CUBN: variants seen among roughly 807,000 people sequenced by gnomAD.
CUBN encodes 460 kDa receptor.
Under a neutral mutation model 405.3 loss-of-function variants are expected in CUBN, and 282 were observed. The observed-to-expected ratio is 0.70, with a 90% confidence interval of 0.63 to 0.77. The LOEUF is 0.77. Ranked by LOEUF, CUBN falls within the 30% of genes least tolerant of loss-of-function variation. CUBN has a pLI of 0.00. For synonymous variants in CUBN, 1,684 were observed against 1,617.0 expected (o/e 1.04, Z -0.99); for missense variants, 4,514 against 4,475.2 (o/e 1.01, Z -0.25).
intron 54 of CUBN, among the ~76,000 whole-genome samples, chr10:16,891,926 A>C (rs148106562): frequency 6.6e-6 from 1 of 152,286 alleles, no homozygotes; most frequent in African/African-American, 2.4e-5. Flanking sequence ...TCAACAGACA[A>C]CTATCTCAAA....
chr10:16,914,342 C>G (rs928394120), intron 47 of CUBN, among the ~76,000 whole-genome samples: 35 of 152,104 alleles, frequency 2.3e-4, no homozygotes, highest in African/African-American at 8.2e-4. Context: ...AGGCAGATCA[C>G]AAGGCCAGGA....
At chr10:16,878,353 A>T (rs1840574246) in intron 56 of CUBN, among the ~76,000 whole-genome samples, 1 of 152,222 alleles carries the variant, frequency 6.6e-6, no homozygotes, top group Non-Finnish European at 1.5e-5. Flanking sequence ...TTTTGCACCA[A>T]CATAATATAT....
At chr10:16,979,360 CA>C (rs1833196618) in intron 31 of CUBN, among the ~76,000 whole-genome samples, 3 of 151,968 alleles carry the variant, frequency 2.0e-5, no homozygotes, top group South Asian at 4.2e-4. Context: ...TCATGTGGAA[CA>C]AAAAAAGAGC....
intron 60 of CUBN, 59 bp from the exon 61 acceptor site, chr10:16,841,106 A>T: frequency 6.7e-7 from 1 of 1,499,594 alleles, no homozygotes. Context: ...CATATTTCAC[A>T]CTAAATTGGA....
At chr10:17,037,652 G>A (rs1421963371) in intron 27 of CUBN, among the ~76,000 whole-genome samples, 1 of 152,206 alleles carries the variant, frequency 6.6e-6, no homozygotes, top group East Asian at 1.9e-4. Context: ...ACATGCAAAG[G>A]AGTGTGTCCC....
At chr10:16,912,223 G>A (rs767853975) in intron 48 of CUBN, among the ~76,000 whole-genome samples, 1 of 152,178 alleles carries the variant, frequency 6.6e-6, no homozygotes, top group Non-Finnish European at 1.5e-5. Context: ...GTGGTCATAA[G>A]ATACAAAGAT....
intron 17 of CUBN, among the ~76,000 whole-genome samples, chr10:17,074,155 C>T (rs1186825841): frequency 6.6e-6 from 1 of 152,110 alleles, no homozygotes; most frequent in East Asian, 1.9e-4. Flanking sequence ...GGTGACAATA[C>T]CATGAAACAG....
intron 31 of CUBN, among the ~76,000 whole-genome samples, chr10:16,971,603 T>C (rs1832935093): frequency 6.6e-6 from 1 of 152,232 alleles, no homozygotes; most frequent in Non-Finnish European, 1.5e-5. Flanking sequence ...ATTTTTAACA[T>C]AATGAATTTA....
At chr10:16,898,505 T>C (rs560638210) in intron 54 of CUBN, among the ~76,000 whole-genome samples, 24 of 152,216 alleles carry the variant, frequency 1.6e-4, no homozygotes, top group Non-Finnish European at 7.4e-5. Context: ...TGCAAAACAG[T>C]ACAGATGAAA....
intron 7 of CUBN, among the ~76,000 whole-genome samples, chr10:17,114,615 G>A (rs573487864): frequency 4.6e-5 from 7 of 152,214 alleles, no homozygotes; most frequent in African/African-American, 1.4e-4. Context: ...CATTGGACGG[G>A]AATTATTTTC....
intron 59 of CUBN, among the ~76,000 whole-genome samples, chr10:16,863,975 T>C (rs957033660): frequency 1.3e-5 from 2 of 152,240 alleles, no homozygotes; most frequent in African/African-American, 4.8e-5. Flanking sequence ...AAGATGAAAG[T>C]GATTCAATTT....
intron 28 of CUBN, among the ~76,000 whole-genome samples, chr10:17,002,993 A>T (rs905091288): frequency 2.0e-5 from 3 of 152,336 alleles, no homozygotes; most frequent in Admixed American, 2.0e-4. Flanking sequence ...ATATTTTAAG[A>T]GTATCACAAA....
chr10:16,864,169 C>T (rs1429812989), intron 59 of CUBN, among the ~76,000 whole-genome samples: 1 of 152,094 alleles, frequency 6.6e-6, no homozygotes, highest in Non-Finnish European at 1.5e-5. Flanking sequence ...TGGACAATAT[C>T]GATGGAGTAA....
At position 16,984,115 on chromosome 10, in the gene CUBN, T is replaced by A. The variant is rs1833353309; in HGVS notation, c.4515A>T (p.Ala1505=). Residue 1505 remains alanine (A), a synonymous_variant, in exon 30 of 67, where the codon GCA becomes GCT. Transcript: ENST00000377833. Reference sequence around the variant, plus strand: ...CCTTTTCTCACTCACCTCCAGTGACTGCTTGCCATGACGCATTGAAGCCTC... The same window carrying A: ...CCTTTTCTCACTCACCTCCAGTGACAGCTTGCCATGACGCATTGAAGCCTC... The part of the protein sequence containing the change: ...NGRGFNASWQ[A]VTGGCGGIFQ... 1 of 1,614,198 alleles carries A rather than the reference T, an allele frequency of 6.2e-7. No homozygotes were observed. Among genetic ancestry groups the A allele is most frequent in the Non-Finnish European group, 8.5e-7 (1 of 1,180,038 alleles).
At chr10:16,965,947 C>G (rs1452211215) in intron 31 of CUBN, 1 of 471,068 alleles carries the variant, frequency 2.1e-6, no homozygotes, top group African/African-American at 2.0e-5. Context: ...CAAACCCCAT[C>G]TGTCTGACGT....
At chr10:16,859,236 T>C (rs1839947381) in intron 59 of CUBN, among the ~76,000 whole-genome samples, 1 of 152,132 alleles carries the variant, frequency 6.6e-6, no homozygotes, top group African/African-American at 2.4e-5. Flanking sequence ...TGACAAAGGA[T>C]CATTGATTGA....
chr10:16,941,166 G>A (rs1788324560), intron 36 of CUBN, among the ~76,000 whole-genome samples: 1 of 152,136 alleles, frequency 6.6e-6, no homozygotes, highest in Admixed American at 6.5e-5. Context: ...TAGACAAATG[G>A]ATGAATGGAA....
At chr10:17,012,943 C>A (rs1438329672) in intron 28 of CUBN, among the ~76,000 whole-genome samples, 1 of 152,130 alleles carries the variant, frequency 6.6e-6, no homozygotes, top group Non-Finnish European at 1.5e-5. Flanking sequence ...AGATTTAGAT[C>A]CCCTGTTAGG....
intron 16 of CUBN, 51 bp from the exon 17 acceptor site, chr10:17,084,512 T>G: frequency 6.6e-7 from 1 of 1,511,070 alleles, no homozygotes; most frequent in Non-Finnish European, 9.1e-7. Flanking sequence ...TTGCTCTGGC[T>G]TGCAGGCATT....
Sources: gnomAD v4.1 joint callset for allele counts (sites outside exome capture counted in the v4.1 genomes callset) on GRCh38, gnomAD v4.1.1 for gene constraint, MANE v1.5 for transcripts, NCBI Gene and HGNC (gene_info 2026-07-23, HGNC 2026-07-21) for gene names.